The following TNS2 variants were observed in gnomAD, a reference collection of about 807,000 sequenced individuals.
The protein encoded by TNS2 is tensin-2.
In TNS2, 77 loss-of-function variants were observed where a neutral mutation model predicts 155.7. That is an observed-to-expected ratio of 0.49 (90% confidence interval 0.41 to 0.60). The LOEUF (loss-of-function observed/expected upper bound fraction) is 0.60, where lower values mean the gene tolerates loss of function less well. TNS2 is among the 20% of genes least tolerant of loss of function. The probability of loss-of-function intolerance (pLI) is 0.00; values close to 1 mark genes in which losing one functional copy is unlikely to be tolerated. For synonymous variants in TNS2, 726 were observed against 763.9 expected (o/e 0.95, Z 0.82); for missense variants, 1,703 against 1,868.8 (o/e 0.91, Z 1.64).
chr12:53,053,949 G>A lies in TNS2; in HGVS notation c.301-16G>A, dbSNP rs148710187. On this transcript the variant is annotated splice_polypyrimidine_tract_variant and intron_variant, in intron 5 of 28. Coordinates refer to ENST00000314250, the MANE Select transcript of TNS2 (RefSeq NM_170754.4). ...GTACCCAAAGAGATGTCTAGACACT[G>A]TCTGTTAACCACCAGGGATCCACCA... 33 of 1,614,182 alleles carry A rather than the reference G, an allele frequency of 2.0e-5. No homozygotes were observed. The African/African-American group carries it at 4.1e-4, about 20-fold the overall frequency.
At chr12:53,052,047 C>A in intron 2 of TNS2, 84 bp downstream of exon 2, 2 of 1,170,934 alleles carry the variant, frequency 1.7e-6, no homozygotes, top group Non-Finnish European at 2.5e-6. Flanking sequence ...CTCACACAAT[C>A]TCAAATGTAA....
Position 53,057,041 on chromosome 12 carries a change from A to G in TNS2, c.790A>G (p.Met264Val), listed in dbSNP as rs752364346. 4.0e-5 allele frequency: 65 copies of G among 1,613,650 alleles called. No homozygotes were observed. Among genetic ancestry groups the G allele is most frequent in the Non-Finnish European group, 5.3e-5 (62 of 1,179,918 alleles). The change falls in exon 11 of 29, where the codon ATG becomes GTG. Residue 264 changes from methionine to valine, a missense_variant. Physicochemically the swap from Met to Val is conservative, Grantham distance 21. Transcript: ENST00000314250. ...GGACCAGGCACTGGCCACTCTTACC[A>G]TGCGGAAATTCTGCGAGGACAAGGT... ...GADQALATLT[M>V]RKFCEDKVAT...
At chr12:53,051,047 G>A (rs1006489965) in intron 1 of TNS2, among the ~76,000 whole-genome samples, 1 of 152,202 alleles carries the variant, frequency 6.6e-6, no homozygotes, top group African/African-American at 2.4e-5. Context: ...GGAAGGGACT[G>A]AGATAGGCCT....
chr12:53,062,865 G>A (rs1474318381), intron 25 of TNS2, 168 bp downstream of exon 25: 10 of 971,014 alleles, frequency 1.0e-5, no homozygotes, highest in Non-Finnish European at 1.5e-5. Flanking sequence ...CTCAGCCTAG[G>A]TTCTCAAAGT....
At position 53,051,916 on chromosome 12, in the gene TNS2, G is replaced by C; in HGVS notation, c.137G>C (p.Cys46Ser). Residue 46 changes from cysteine (C) to serine (S), a missense_variant, in exon 2 of 29, where the codon TGT (cysteine) becomes TCT (serine). By Grantham distance (112) the Cys-to-Ser change is moderately radical (BLOSUM62 -1). Transcript: ENST00000314250. ...EKVFRKKPPV[C>S]AVCKVTIDGT... ...GTTTTCCGGAAGAAACCTCCAGTCT[G>C]TGCAGTATGTAAGGTGACCATCGAT... The C allele has an allele frequency of 6.2e-7, 1 of 1,613,680 alleles. No individual in the cohort carries two copies. The highest frequency in any genetic ancestry group is 8.5e-7 in the Non-Finnish European group (1 of 1,179,798).
At chr12:53,058,172 C>A in intron 14 of TNS2, 70 bp downstream of exon 14, 1 of 1,611,384 alleles carries the variant, frequency 6.2e-7, no homozygotes, top group South Asian at 1.1e-5. Flanking sequence ...ACGGCACAGT[C>A]ACCAATTTGA....
At chr12:53,049,351 T>A (rs1592238386), upstream of TNS2, 3 of 971,500 alleles carry the variant, frequency 3.1e-6, no homozygotes, top group East Asian at 8.6e-5. Context: ...TGTGAGATCA[T>A]GTCTGAAACA....
At chr12:53,049,396 C>G, upstream of TNS2, 1 of 675,500 alleles carries the variant, frequency 1.5e-6, no homozygotes, top group Non-Finnish European at 2.5e-6. Context: ...GGCACTGTGT[C>G]AGGAGCAGAA....
rs966877184 is a variant in TNS2 at position 53,063,725 on chromosome 12, C to T, written c.4092-19C>T. On this transcript the variant is annotated intron_variant, in intron 28 of 28. Transcript: ENST00000314250. The surrounding 1 kb of genome is among the most constrained non-coding windows in gnomAD (Gnocchi z 5.6). ...GTGGAAGGAATGTTAAGCCCCTTCC[C>T]CACCCTTTATCCCCCTAGGATCTTT... The T allele has an allele frequency of 3.7e-6, 6 of 1,613,708 alleles. No individual in the cohort carries two copies. The African/African-American group carries it at 8.0e-5, about 22-fold the overall frequency.
chr12:53,049,386 G>A (rs1044170131), upstream of TNS2: 3 of 712,798 alleles, frequency 4.2e-6, no homozygotes, highest in Admixed American at 3.1e-5. Context: ...GTGAGTGGGG[G>A]GCACTGTGTC....
Position 53,051,706 on chromosome 12 carries a change from C to G in TNS2, c.76-149C>G, listed in dbSNP as rs1943938690. ...GACAGGCCCCATGACCGCCCTGAAG[C>G]AGCTGTGGCCAAGTGCGTCCTACAA... is the stretch of plus-strand genomic sequence containing the variant. On this transcript the variant is annotated intron_variant, in intron 1 of 28. Transcript: ENST00000314250. The G allele has an allele frequency of 9.9e-6, 6 of 607,554 alleles. No individual in the cohort carries two copies. The East Asian group carries it at 1.7e-4, about 17-fold the overall frequency. 37.6% of individuals were successfully genotyped at this position (607,554 alleles called of 1,614,324 possible).
intron 21 of TNS2, 163 bp downstream of exon 21, chr12:53,061,632 C>T (rs962064567): frequency 4.6e-5 from 61 of 1,331,240 alleles, no homozygotes; most frequent in African/African-American, 8.8e-5. Flanking sequence ...TGGGCCAAGG[C>T]GGTGAGATCC....
chr12:53,061,136 G>A lies in TNS2; in HGVS notation c.3230G>A (p.Arg1077His), dbSNP rs749914958. 98 of 1,609,720 alleles carry A rather than the reference G, an allele frequency of 6.1e-5. No homozygotes were observed. The highest frequency in any genetic ancestry group is 7.8e-5 in the Non-Finnish European group (92 of 1,178,038). The stretch of plus-strand genomic sequence containing the variant: ...AGCCAGCCCCCACTTCCTGAGAAAC[G>A]CCACCTGCCCGGGCCGGGGCAACAG... The part of the protein sequence containing the change: ...GLSQPPLPEK[R>H]HLPGPGQQPG... The change falls in exon 20 of 29, where the codon CGC (arginine) becomes CAC (histidine). Residue 1077 changes from arginine (R) to histidine (H), a missense_variant. Arg to His is a conservative substitution (Grantham distance 29). Transcript: ENST00000314250.
upstream of TNS2, among the ~76,000 whole-genome samples, chr12:53,047,530 G>A (rs1159481639): frequency 1.3e-5 from 2 of 149,934 alleles, no homozygotes; most frequent in African/African-American, 2.4e-5. Context: ...GCTCTGGCTG[G>A]CCGCGGAGAG....
In TNS2 at chr12:53,051,993, C is replaced by G. The variant is rs201727049; in HGVS notation, c.184+30C>G. 1.9e-6 allele frequency: 3 copies of G among 1,565,648 alleles called. No homozygotes were observed. In the Admixed American group the frequency reaches 5.1e-5, roughly 27 times the overall value. ...GGCTCTCTGTCCTGTGACTCTGAGA[C>G]CCTCCACCCAGTACCACTGTGTTGC... On this transcript the variant is annotated intron_variant, in intron 2 of 28. Coordinates refer to ENST00000314250, the MANE Select transcript of TNS2 (RefSeq NM_170754.4).
rs574304361 is a variant in TNS2 at position 53,059,447 on chromosome 12, C to T, written c.1806C>T (p.Cys602=). The part of the protein sequence containing the change: ...CSCRQGYREP[C]GVPNGGYYRP... ...GCCGCCAGGGCTACCGGGAGCCCTG[C>T]GGGGTTCCCAATGGGGGCTACTACC... Residue 602 remains cysteine, a synonymous_variant, in exon 18 of 29, where the codon TGC becomes TGT. Transcript: ENST00000314250. The surrounding 1 kb of genome is among the most constrained non-coding windows in gnomAD (Gnocchi z 4.7). 2.5e-5 allele frequency: 37 copies of T among 1,504,836 alleles called. No individual in the cohort carries two copies. Among genetic ancestry groups the T allele is most frequent in the African/African-American group, 7.0e-5 (5 of 71,104 alleles). 93.2% of individuals were successfully genotyped at this position (1,504,836 alleles called of 1,614,324 possible). A position where few individuals can be genotyped will look rare whatever the true frequency, so the allele number is the denominator to read the frequency against.
chr12:53,062,731 C>T, intron 25 of TNS2, 34 bp downstream of exon 25: 1 of 1,610,602 alleles, frequency 6.2e-7, no homozygotes, highest in Non-Finnish European at 8.5e-7. Flanking sequence ...CTCCCTCTCC[C>T]TGGGCACCAA....
At position 53,050,127 on chromosome 12, in the gene TNS2, C is replaced by T. The variant is rs1376130803; in HGVS notation, c.-59C>T. 7.0e-6 allele frequency: 11 copies of T among 1,582,488 alleles called. No individual in the cohort carries two copies. Among genetic ancestry groups the T allele is most frequent in the African/African-American group, 2.7e-5 (2 of 74,188 alleles). ...CCGCCAGGCCGCTTCCAGGAAGCCC[C>T]GGGCCAGGCCCCAGCATTGTTCAGG... On this transcript the variant is annotated 5_prime_UTR_variant, in exon 1 of 29. Coordinates refer to ENST00000314250, the MANE Select transcript of TNS2 (RefSeq NM_170754.4). This position sits in a 1 kb window ranked among gnomAD's most constrained non-coding sequence, Gnocchi z 4.7.
At position 53,062,530 on chromosome 12, in the gene TNS2, C is replaced by T. The variant is rs571381370; in HGVS notation, c.3745+77C>T. The stretch of plus-strand genomic sequence containing the variant: ...AAGCAGGATCCAGAGGTCTTGGCTC[C>T]CCGCCTTCCCTTGGGGAAGCAGAGG... On this transcript the variant is annotated intron_variant, in intron 24 of 28. Transcript: ENST00000314250. The T allele has an allele frequency of 1.9e-6, 3 of 1,608,020 alleles. No individual in the cohort carries two copies. The South Asian group carries it at 3.3e-5, about 18-fold the overall frequency.
Sources: gnomAD v4.1 joint callset for allele counts (sites outside exome capture counted in the v4.1 genomes callset) on GRCh38, gnomAD v4.1.1 for gene constraint, Gnocchi (gnomAD v3.1) non-coding constraint, MANE v1.5 for transcripts, NCBI Gene and HGNC (gene_info 2026-07-23, HGNC 2026-07-21) for gene names.